CIMIP6: variants seen among roughly 807,000 people sequenced by gnomAD.
The protein encoded by CIMIP6 is uncharacterized protein C2orf73.
the CIMIP6 span, among the ~76,000 whole-genome samples, chr2:54,367,473 A>G: frequency 6.6e-6 from 1 of 152,086 alleles, no homozygotes; most frequent in Admixed American, 6.5e-5. Context: ...TTTTTTTTGA[A>G]AAAGCAAATT....
At chr2:54,339,926 A>G in the CIMIP6 span, 1 of 363,132 alleles carries the variant, frequency 2.8e-6, no homozygotes, top group South Asian at 7.3e-5. Context: ...AAAATAGGTA[A>G]TCTTTACTAA....
At chr2:54,333,953 G>C in the CIMIP6 span, among the ~76,000 whole-genome samples, 1 of 152,116 alleles carries the variant, frequency 6.6e-6, no homozygotes, top group East Asian at 1.9e-4. Context: ...TTTGGAGGAA[G>C]GCAGGTGTTA....
chr2:54,362,109 G>C, the CIMIP6 span, among the ~76,000 whole-genome samples: 1 of 152,122 alleles, frequency 6.6e-6, no homozygotes, highest in Admixed American at 6.5e-5. Context: ...ACTTCTCTTA[G>C]GACACAAAAC....
At chr2:54,331,168 C>T in the CIMIP6 span, among the ~76,000 whole-genome samples, 2 of 152,336 alleles carry the variant, frequency 1.3e-5, no homozygotes, top group Admixed American at 1.3e-4. Flanking sequence ...TTAAAACGCA[C>T]CGTTTACTGA....
chr2:54,380,959 G>A, the CIMIP6 span, among the ~76,000 whole-genome samples: 8 of 152,140 alleles, frequency 5.3e-5, no homozygotes, highest in Non-Finnish European at 7.3e-5. Context: ...AACGCCTTGG[G>A]TGCCTTTTAG....
At chr2:54,355,654 C>T in the CIMIP6 span, among the ~76,000 whole-genome samples, 7 of 152,046 alleles carry the variant, frequency 4.6e-5, no homozygotes, top group South Asian at 2.1e-4. Context: ...TTTCCTGCTG[C>T]CTTCTGGGAC....
chr2:54,367,376 C>T, the CIMIP6 span, among the ~76,000 whole-genome samples: 145 of 152,054 alleles, frequency 9.5e-4, 1 homozygote, highest in African/African-American at 3.2e-3. Flanking sequence ...GTCAGTTCCC[C>T]CAACCTCCAA....
At chr2:54,381,799 G>C in the CIMIP6 span, 1 of 1,507,654 alleles carries the variant, frequency 6.6e-7, no homozygotes, top group Non-Finnish European at 8.8e-7. Flanking sequence ...TAAACCATCA[G>C]ACTTTTTCCC....
chr2:54,371,510 C>T, the CIMIP6 span, among the ~76,000 whole-genome samples: 1 of 152,224 alleles, frequency 6.6e-6, no homozygotes. Flanking sequence ...TTCTGAGTGG[C>T]CCTGGGGAAA....
chr2:54,374,540 C>T, the CIMIP6 span, among the ~76,000 whole-genome samples: 1 of 152,050 alleles, frequency 6.6e-6, no homozygotes, highest in African/African-American at 2.4e-5. Context: ...TGAATCTTTC[C>T]AAATTAACAG....
chr2:54,353,890 T>G, the CIMIP6 span, among the ~76,000 whole-genome samples: 1 of 152,174 alleles, frequency 6.6e-6, no homozygotes, highest in African/African-American at 2.4e-5. Context: ...GTTTTTACCT[T>G]ATGGGTTGTG....
At chr2:54,344,793 C>T in the CIMIP6 span, among the ~76,000 whole-genome samples, 10 of 151,914 alleles carry the variant, frequency 6.6e-5, no homozygotes, top group Non-Finnish European at 1.2e-4. Flanking sequence ...AATAAAGTCA[C>T]GGAAGTATCA....
chr2:54,383,392 C>A, the CIMIP6 span: 4 of 152,348 alleles, frequency 2.6e-5, no homozygotes, highest in East Asian at 7.7e-4. Flanking sequence ...TATATACAGG[C>A]TTAGCTACAA....
At chr2:54,367,127 C>T in the CIMIP6 span, among the ~76,000 whole-genome samples, 1 of 152,060 alleles carries the variant, frequency 6.6e-6, no homozygotes, top group East Asian at 1.9e-4. Context: ...GTTAGTTACT[C>T]ACAGATCTTC....
chr2:54,352,646 C>T, the CIMIP6 span, among the ~76,000 whole-genome samples: 1 of 152,004 alleles, frequency 6.6e-6, no homozygotes, highest in Non-Finnish European at 1.5e-5. Context: ...CCTCAGTAAC[C>T]AGGGGATTGG....
the CIMIP6 span, chr2:54,359,165 T>A: frequency 1.3e-6 from 1 of 767,568 alleles, no homozygotes; most frequent in Non-Finnish European, 2.1e-6. Flanking sequence ...TCTTTCTGTC[T>A]ATTTAAACAA....
chr2:54,366,821 CATACACAGATTA>C, the CIMIP6 span, among the ~76,000 whole-genome samples: 1 of 152,126 alleles, frequency 6.6e-6, no homozygotes, highest in Admixed American at 6.5e-5. Flanking sequence ...CATCGTCTGA[CATACACAGATTA>C]ATAGTAATTG....
chr2:54,352,183 C>T, the CIMIP6 span, among the ~76,000 whole-genome samples: 1 of 152,160 alleles, frequency 6.6e-6, no homozygotes, highest in African/African-American at 2.4e-5. Flanking sequence ...GCTTTCTCAT[C>T]TCTATATTTA....
the CIMIP6 span, among the ~76,000 whole-genome samples, chr2:54,379,350 C>G: frequency 1.3e-5 from 2 of 152,184 alleles, no homozygotes; most frequent in African/African-American, 4.8e-5. Flanking sequence ...TATTTTTTCT[C>G]CAGTTCTCAC....
Sources: gnomAD v4.1 joint callset for allele counts (sites outside exome capture counted in the v4.1 genomes callset) on GRCh38, gnomAD v4.1.1 for gene constraint, MANE v1.5 for transcripts, NCBI Gene and HGNC (gene_info 2026-07-23, HGNC 2026-07-21) for gene names.